ZNF787: variants seen among roughly 807,000 people sequenced by gnomAD.
ZNF787 encodes the protein zinc finger protein 787, also known as TTF-I-interacting peptide 20.
Under a neutral mutation model 16.9 loss-of-function variants are expected in ZNF787, and 7 were observed. The observed-to-expected ratio is 0.42, with a 90% CI of 0.24 to 0.78. ZNF787 has a LOEUF of 0.78. ZNF787 is among the 30% of genes least tolerant of loss of function. ZNF787 has a pLI of 0.30. For synonymous variants in ZNF787, 345 were observed against 270.9 expected (o/e 1.27, Z -2.69); for missense variants, 551 against 589.3 (o/e 0.94, Z 0.67).
chr19:56,111,825 G>C (rs563660222), intron 1 of ZNF787, among the ~76,000 whole-genome samples: 1 of 152,148 alleles, frequency 6.6e-6, no homozygotes, highest in Non-Finnish European at 1.5e-5. Flanking sequence ...AGTCCTTGGC[G>C]TCATCACCGG....
intron 2 of ZNF787, among the ~76,000 whole-genome samples, chr19:56,090,318 G>C (rs1342004038): frequency 6.6e-6 from 1 of 152,082 alleles, no homozygotes; most frequent in Non-Finnish European, 1.5e-5. Flanking sequence ...AGGGAGTCGA[G>C]TCACAGCCCA....
chr19:56,087,695 A>C lies in ZNF787; in HGVS notation c.*328T>G, dbSNP rs1300849960. On this transcript the variant is annotated 3_prime_UTR_variant, in exon 3 of 3. Transcript: ENST00000610935. ...CACCCCCGCCCCGGACAACTGAGGA[A>C]GAGCAGGGAAAATGGCCTTCCGCTT... 3.4e-5 allele frequency: 6 copies of C among 175,352 alleles called. No individual in the cohort carries two copies. The highest frequency in any genetic ancestry group is 5.9e-5 in the Non-Finnish European group (5 of 85,178). 10.9% of individuals were successfully genotyped at this position (175,352 alleles called of 1,614,324 possible).
chr19:56,105,610 T>C (rs1191538299), intron 1 of ZNF787: 1 of 151,974 alleles, frequency 6.6e-6, no homozygotes, highest in African/African-American at 2.4e-5. Context: ...ACCCAGCTTC[T>C]CGGGGGAAGC....
chr19:56,104,504 G>A (rs1986226499), intron 1 of ZNF787, among the ~76,000 whole-genome samples: 3 of 150,498 alleles, frequency 2.0e-5, no homozygotes, highest in South Asian at 2.1e-4. Flanking sequence ...CCCGTGCCAC[G>A]CACAGTGAGG....
intron 1 of ZNF787, among the ~76,000 whole-genome samples, chr19:56,120,553 G>A (rs1301163607): frequency 1.3e-5 from 2 of 152,160 alleles, no homozygotes; most frequent in African/African-American, 2.4e-5. Context: ...CAGAATCCCC[G>A]TAATTACCCG....
intron 2 of ZNF787, among the ~76,000 whole-genome samples, chr19:56,091,230 C>T (rs1259306301): frequency 6.6e-6 from 1 of 152,218 alleles, no homozygotes; most frequent in Non-Finnish European, 1.5e-5. Context: ...TAAACCGAGC[C>T]ATACTATCTG....
intron 2 of ZNF787, among the ~76,000 whole-genome samples, chr19:56,098,104 G>T (rs1008012399): frequency 6.6e-6 from 1 of 152,018 alleles, no homozygotes; most frequent in African/African-American, 2.4e-5. Flanking sequence ...GGCCCATACA[G>T]CTCCATGGAA....
intron 1 of ZNF787, among the ~76,000 whole-genome samples, chr19:56,108,942 T>C (rs1041018441): frequency 6.6e-6 from 1 of 152,060 alleles, no homozygotes; most frequent in Non-Finnish European, 1.5e-5. Context: ...AAATGCTTCT[T>C]GCAGAGACAG....
chr19:56,116,605 T>C (rs1362516871), intron 1 of ZNF787, among the ~76,000 whole-genome samples: 3 of 151,828 alleles, frequency 2.0e-5, no homozygotes, highest in Non-Finnish European at 4.4e-5. Flanking sequence ...ATAAAGCCTT[T>C]ATATTAAAAA....
At chr19:56,090,211 G>A (rs1191345335) in intron 2 of ZNF787, among the ~76,000 whole-genome samples, 1 of 152,204 alleles carries the variant, frequency 6.6e-6, no homozygotes, top group African/African-American at 2.4e-5. Flanking sequence ...ACGCAAGGAA[G>A]GGCCATGACG....
intron 1 of ZNF787, among the ~76,000 whole-genome samples, chr19:56,113,863 T>C (rs1401394937): frequency 2.0e-5 from 3 of 152,158 alleles, no homozygotes; most frequent in Non-Finnish European, 1.5e-5. Context: ...AGAGTCTCGC[T>C]TTCTCGCCCA....
At chr19:56,104,914 A>G (rs546644000) in intron 1 of ZNF787, among the ~76,000 whole-genome samples, 191 of 152,308 alleles carry the variant, frequency 1.3e-3, no homozygotes, top group African/African-American at 4.4e-3. Context: ...GGATCAGTGG[A>G]GGTCTGGAGT....
rs1004100035 is a variant in ZNF787 at position 56,101,173 on chromosome 19, C to A, written c.79+1966G>T. On this transcript the variant is annotated intron_variant, in intron 2 of 2. Transcript: ENST00000610935. ...ACTCCACACGCCATGGCCAGGCCAACCCCCGCCACTCCACCCCCACCTACG... is the reference window on the plus strand; with the variant it reads ...ACTCCACACGCCATGGCCAGGCCAAACCCCGCCACTCCACCCCCACCTACG... 2.6e-3 allele frequency among the ~76,000 whole-genome samples: 398 copies of A among 150,360 alleles called. 2 individuals are homozygous for A. Among genetic ancestry groups the A allele is most frequent in the African/African-American group, 8.9e-3 (364 of 41,072 alleles).
chr19:56,106,352 G>C (rs569095184), intron 1 of ZNF787, among the ~76,000 whole-genome samples: 1 of 152,370 alleles, frequency 6.6e-6, no homozygotes, highest in South Asian at 2.1e-4. Flanking sequence ...GGACAACTGT[G>C]AGCTGCTTCC....
chr19:56,103,494 G>A lies in ZNF787; in HGVS notation c.-10-267C>T, dbSNP rs1390873855. ...ACAACCACCGCCAGTTCCCATCCCA[G>A]CCCCACCACTCCCCAGCTGGACCTG... On this transcript the variant is annotated intron_variant, in intron 1 of 2. Coordinates refer to ENST00000610935, the MANE Select transcript of ZNF787 (RefSeq NM_001002836.4). The A allele has an allele frequency of 7.4e-6, 3 of 405,752 alleles. No homozygotes were observed. In the East Asian group the frequency reaches 1.1e-4, roughly 15 times the overall value. The allele number at this position is 405,752 out of a possible 1,614,324, so 25.1% of individuals were successfully genotyped here. A position where few individuals can be genotyped will look rare whatever the true frequency, so the allele number is the denominator to read the frequency against.
intron 2 of ZNF787, among the ~76,000 whole-genome samples, chr19:56,089,881 C>T (rs973523435): frequency 2.6e-5 from 4 of 152,140 alleles, no homozygotes; most frequent in African/African-American, 7.2e-5. Context: ...GGGGCTCTCC[C>T]GGGAGGGATG....
chr19:56,093,050 G>A (rs1229094003), intron 2 of ZNF787, among the ~76,000 whole-genome samples: 1 of 150,684 alleles, frequency 6.6e-6, no homozygotes, highest in Non-Finnish European at 1.5e-5. Flanking sequence ...CGGGATGGTG[G>A]AAGTGGGCTA....
At chr19:56,095,589 C>T (rs1985840145) in intron 2 of ZNF787, among the ~76,000 whole-genome samples, 1 of 152,200 alleles carries the variant, frequency 6.6e-6, no homozygotes, top group Non-Finnish European at 1.5e-5. Context: ...GCCGCTGTCC[C>T]CACTGTCATC....
At chr19:56,101,773 G>A (rs372451581) in intron 2 of ZNF787, 4 of 152,244 alleles carry the variant, frequency 2.6e-5, no homozygotes, top group African/African-American at 4.8e-5. Context: ...AATCGCTGGC[G>A]CAGGAAGAGG....
Sources: allele counts gnomAD v4.1 joint callset (sites outside exome capture counted in the v4.1 genomes callset), GRCh38; gene constraint gnomAD v4.1.1; transcripts MANE v1.5; gene names NCBI Gene and HGNC (gene_info 2026-07-23, HGNC 2026-07-21).